Variants in LIPA observed in about 807,000 individuals in gnomAD.
LIPA encodes the protein lysosomal acid lipase/cholesteryl ester hydrolase.
LIPA carries 26 observed loss-of-function variants against 40.6 expected under a neutral mutation model. The ratio of observed to expected loss-of-function variants is 0.64; its 90% confidence interval spans 0.47 to 0.89. The LOEUF (loss-of-function observed/expected upper bound fraction) is 0.89, where lower values mean the gene tolerates loss of function less well. LIPA is among the 40% of genes least tolerant of loss of function. The probability of loss-of-function intolerance (pLI) is 0.00; values close to 1 mark genes in which losing one functional copy is unlikely to be tolerated. For synonymous variants in LIPA, 188 were observed against 168.4 expected (o/e 1.12, Z -0.90); for missense variants, 455 against 479.6 (o/e 0.95, Z 0.48).
chr10:89,361,181 C>T (rs1844019623), intron 2 of LIPA, among the ~76,000 whole-genome samples: 1 of 152,128 alleles, frequency 6.6e-6, no homozygotes, highest in Non-Finnish European at 1.5e-5. Context: ...ATTCAACCCT[C>T]CAATATGTCA....
chr10:89,223,873 T>G (rs1842734014), intron 6 of LIPA, 43 bp from the exon 7 acceptor site: 1 of 1,600,456 alleles, frequency 6.2e-7, no homozygotes, highest in African/African-American at 1.3e-5. Context: ...AGCATTTCAC[T>G]CTGGTGCATA....
intron 2 of LIPA, among the ~76,000 whole-genome samples, chr10:89,394,684 G>A (rs1487277131): frequency 6.8e-6 from 1 of 146,048 alleles, no homozygotes; most frequent in Non-Finnish European, 1.5e-5. Context: ...TAAAATACAT[G>A]TAAAATAAAA....
chr10:89,408,376 A>G (rs1841442727), intron 2 of LIPA, among the ~76,000 whole-genome samples: 1 of 152,242 alleles, frequency 6.6e-6, no homozygotes, highest in African/African-American at 2.4e-5. Flanking sequence ...AGGAAAATAC[A>G]CAACTATGCA....
At chr10:89,383,536 T>A (rs762170357) in intron 2 of LIPA, 2 of 1,614,204 alleles carry the variant, frequency 1.2e-6, no homozygotes, top group South Asian at 2.2e-5. Flanking sequence ...CCTGGTCAGC[T>A]TGAAAAAGGC....
chr10:89,254,679 C>T (rs528407791), upstream of LIPA, among the ~76,000 whole-genome samples: 35 of 152,270 alleles, frequency 2.3e-4, no homozygotes, highest in African/African-American at 3.6e-4. Context: ...TCTTTTCTAT[C>T]GTATTGTCAG....
At chr10:89,298,362 C>T (rs1438093156) in intron 1 of LIPA, among the ~76,000 whole-genome samples, 1 of 152,190 alleles carries the variant, frequency 6.6e-6, no homozygotes, top group Non-Finnish European at 1.5e-5. Flanking sequence ...GTCACGATAG[C>T]CTCCAAGAAT....
intron 1 of LIPA, among the ~76,000 whole-genome samples, chr10:89,285,761 T>C (rs1170734512): frequency 6.6e-6 from 1 of 151,648 alleles, no homozygotes; most frequent in Non-Finnish European, 1.5e-5. Flanking sequence ...ACTCCTTCTC[T>C]CTGTGTCTCT....
intron 1 of LIPA, chr10:89,328,203 T>G: frequency 1.0e-6 from 1 of 981,112 alleles, no homozygotes; most frequent in Non-Finnish European, 1.6e-6. Context: ...TCTTTATCAG[T>G]CTGAGCATTT....
chr10:89,397,689 T>C, intron 2 of LIPA, among the ~76,000 whole-genome samples: 1 of 152,008 alleles, frequency 6.6e-6, no homozygotes, highest in East Asian at 1.9e-4. Flanking sequence ...GCATTTTTTT[T>C]CATATTTATT....
At chr10:89,371,893 G>A (rs1844093311) in intron 2 of LIPA, among the ~76,000 whole-genome samples, 1 of 152,184 alleles carries the variant, frequency 6.6e-6, no homozygotes, top group South Asian at 2.1e-4. Flanking sequence ...ACAAGATCGT[G>A]TCCTTTGCAG....
intron 1 of LIPA, among the ~76,000 whole-genome samples, chr10:89,331,644 A>C (rs549533197): frequency 6.6e-6 from 1 of 151,906 alleles, no homozygotes; most frequent in African/African-American, 2.4e-5. Context: ...CAGATGCTTG[A>C]GCTCAGGAGT....
rs147099822 is a variant in LIPA, at chr10:89,230,132, T to A, written c.230-1734A>T. On this transcript the variant is annotated intron_variant, in intron 3 of 9. Coordinates refer to ENST00000336233, the MANE Select transcript of LIPA (RefSeq NM_000235.4). ...GAGCCAAAGAAACCTGACCTCAAGC[T>A]GCTTACCTAACGCTGAGACCATTCA... Among the ~76,000 whole-genome samples the A allele has an allele frequency of 3.9e-5, 6 of 152,296 alleles. No homozygotes were observed. The East Asian group carries it at 1.2e-3, about 29-fold the overall frequency.
chr10:89,246,059 T>A (rs987269546), intron 2 of LIPA, among the ~76,000 whole-genome samples: 56 of 152,184 alleles, frequency 3.7e-4, no homozygotes, highest in African/African-American at 1.1e-3. Context: ...TGCCTAACTT[T>A]ACCACATCTT....
intron 1 of LIPA, among the ~76,000 whole-genome samples, chr10:89,413,782 A>AC (rs55907358): frequency 7.0e-6 from 1 of 142,822 alleles, no homozygotes; most frequent in Non-Finnish European, 1.5e-5. Flanking sequence ...AAAAAAAAAA[A>AC]CCAAAATCAA....
At chr10:89,386,285 T>A (rs1844209825) in intron 2 of LIPA, among the ~76,000 whole-genome samples, 1 of 152,202 alleles carries the variant, frequency 6.6e-6, no homozygotes, top group African/African-American at 2.4e-5. Flanking sequence ...TTATGTTACT[T>A]GGATCCTTGA....
intron 1 of LIPA, among the ~76,000 whole-genome samples, chr10:89,250,613 C>T (rs1171765068): frequency 6.6e-6 from 1 of 152,214 alleles, no homozygotes; most frequent in East Asian, 1.9e-4. Context: ...GGAATTACCA[C>T]AATTGAAAAC....
At chr10:89,224,479 A>ATG (rs946957190) in intron 6 of LIPA, among the ~76,000 whole-genome samples, 8 of 152,072 alleles carry the variant, frequency 5.3e-5, no homozygotes, top group Admixed American at 3.9e-4. Flanking sequence ...AGGATTTCAT[A>ATG]TGTGTGTGTG....
intron 2 of LIPA, chr10:89,383,437 G>A (rs765717717): frequency 6.2e-7 from 1 of 1,614,240 alleles, no homozygotes; most frequent in South Asian, 1.1e-5. Flanking sequence ...GATCTGGGAA[G>A]AGATTCAGTT....
intron 1 of LIPA, among the ~76,000 whole-genome samples, chr10:89,271,279 G>A (rs987342586): frequency 1.3e-5 from 2 of 152,230 alleles, no homozygotes; most frequent in African/African-American, 4.8e-5. Context: ...GGATGATTCT[G>A]AAGGACAGTG....
Sources: allele counts gnomAD v4.1 joint callset (sites outside exome capture counted in the v4.1 genomes callset), GRCh38; gene constraint gnomAD v4.1.1; transcripts MANE v1.5; gene names NCBI Gene and HGNC (gene_info 2026-07-23, HGNC 2026-07-21).